The following AMZ1 variants were observed in gnomAD, a reference collection of about 807,000 sequenced individuals.
AMZ1 encodes archaemetzincin-1.
In AMZ1, 39 loss-of-function variants were observed where a neutral mutation model predicts 29.9. The observed-to-expected ratio is 1.30, with a 90% CI of 1.01 to 1.70. The LOEUF is 1.70. AMZ1 is among the 40% of genes most tolerant of loss of function. The probability of loss-of-function intolerance (pLI) is 0.00; values close to 1 mark genes in which losing one functional copy is unlikely to be tolerated. For synonymous variants in AMZ1, 458 were observed against 304.0 expected, an observed-to-expected ratio of 1.51 and a Z score of -5.27; for missense variants, 1,041 against 680.6, an observed-to-expected ratio of 1.53 and a Z score of -5.89.
At chr7:2,721,806 G>T (rs1010935498), downstream of AMZ1, among the ~76,000 whole-genome samples, 1 of 151,596 alleles carries the variant, frequency 6.6e-6, no homozygotes, top group Non-Finnish European at 1.5e-5. Flanking sequence ...GACATAACAC[G>T]CCAGGAAAAC....
intron 3 of AMZ1, among the ~76,000 whole-genome samples, chr7:2,705,674 G>T (rs761651065): frequency 3.1e-4 from 47 of 152,326 alleles, no homozygotes; most frequent in South Asian, 2.1e-4. Flanking sequence ...TTTGGGGGTT[G>T]ATAGGGGTCC....
rs899597224 is a variant in AMZ1, at chr7:2,702,646, C to T, written c.305-76C>T. 7 of 1,454,504 alleles carry T rather than the reference C, an allele frequency of 4.8e-6. No individual in the cohort carries two copies. In the African/African-American group the frequency reaches 9.9e-5, roughly 21 times the overall value. 90.1% of individuals were successfully genotyped at this position (1,454,504 alleles called of 1,614,324 possible). A position where few individuals can be genotyped will look rare whatever the true frequency, so the allele number is the denominator to read the frequency against. On this transcript the variant is annotated intron_variant, in intron 2 of 6. Transcript: ENST00000683327. ...CCTTGTTCACCCAGCAGGCCGGTGT[C>T]TGCGAGTGATTCCCGGGGAGAGGGT...
At chr7:2,699,606 C>T (rs141605890) in intron 1 of AMZ1, among the ~76,000 whole-genome samples, 45 of 152,132 alleles carry the variant, frequency 3.0e-4, no homozygotes, top group Middle Eastern at 3.4e-3. Context: ...GAAGAGCTGC[C>T]GTGATGGGAG....
At chr7:2,735,584 C>T (rs116255700) in intron 4 of AMZ1, among the ~76,000 whole-genome samples, 1 of 152,168 alleles carries the variant, frequency 6.6e-6, no homozygotes, top group East Asian at 1.9e-4. Context: ...AAACACCCCT[C>T]GAGTCTGCAA....
At chr7:2,704,318 C>A (rs923494620) in intron 3 of AMZ1, among the ~76,000 whole-genome samples, 1 of 152,154 alleles carries the variant, frequency 6.6e-6, no homozygotes, top group Admixed American at 6.5e-5. Context: ...GCCTGGGCAA[C>A]TAGGCCAGAC....
upstream of AMZ1, among the ~76,000 whole-genome samples, chr7:2,687,141 A>G (rs2115034163): frequency 6.6e-6 from 1 of 152,218 alleles, no homozygotes; most frequent in Middle Eastern, 3.4e-3. Flanking sequence ...AGCCTGGCCA[A>G]GAAGGTGAAA....
intron 1 of AMZ1, among the ~76,000 whole-genome samples, chr7:2,697,942 T>A (rs1349068070): frequency 1.3e-5 from 2 of 152,106 alleles, no homozygotes; most frequent in East Asian, 3.8e-4. Flanking sequence ...GGAAAAAAAA[T>A]ATATTTGTGT....
chr7:2,761,705 T>A (rs774270644), upstream of AMZ1, among the ~76,000 whole-genome samples: 8 of 152,160 alleles, frequency 5.3e-5, no homozygotes, highest in Non-Finnish European at 1.2e-4. Context: ...ACCGAATCCT[T>A]GAATTTGCTT....
At chr7:2,762,207 GAGA>G (rs1791591874), upstream of AMZ1, 1 of 171,652 alleles carries the variant, frequency 5.8e-6, no homozygotes, top group African/African-American at 2.4e-5. Context: ...TCGTTTCTAG[GAGA>G]AGTTGTAAGG....
chr7:2,709,512 G>GCA, intron 5 of AMZ1, 128 bp from the exon 6 acceptor site: 1 of 1,391,414 alleles, frequency 7.2e-7, no homozygotes, highest in Non-Finnish European at 9.6e-7. Flanking sequence ...GGGGGAGGGC[G>GCA]CCTGGACCAC....
At chr7:2,711,547 T>C (rs2115181779) in intron 6 of AMZ1, among the ~76,000 whole-genome samples, 1 of 152,182 alleles carries the variant, frequency 6.6e-6, no homozygotes, top group Middle Eastern at 3.4e-3. Flanking sequence ...GAGAGTGAAA[T>C]GGAGAAAACA....
chr7:2,741,573 T>G (rs1029029221), intron 4 of AMZ1, among the ~76,000 whole-genome samples: 13 of 152,188 alleles, frequency 8.5e-5, no homozygotes, highest in African/African-American at 3.1e-4. Flanking sequence ...TCTTTGGGGC[T>G]AGGACAGAGG....
chr7:2,724,891 G>A (rs1030270760), intron 4 of AMZ1, among the ~76,000 whole-genome samples: 4 of 152,138 alleles, frequency 2.6e-5, no homozygotes, highest in Non-Finnish European at 5.9e-5. Context: ...GCATGGGAGC[G>A]ATTCTCGTCC....
At chr7:2,685,072 T>C (rs1291156542), upstream of AMZ1, among the ~76,000 whole-genome samples, 2 of 151,626 alleles carry the variant, frequency 1.3e-5, no homozygotes, top group South Asian at 2.1e-4. Context: ...AGTTTCACTG[T>C]GTTAGCCAGG....
At chr7:2,734,638 G>A (rs1790067100) in intron 4 of AMZ1, among the ~76,000 whole-genome samples, 1 of 152,226 alleles carries the variant, frequency 6.6e-6, no homozygotes, top group Non-Finnish European at 1.5e-5. Context: ...AGACTGAGGG[G>A]AGAAAGCAGA....
chr7:2,694,969 G>A (rs192058557), intron 1 of AMZ1, among the ~76,000 whole-genome samples: 6 of 152,280 alleles, frequency 3.9e-5, no homozygotes, highest in East Asian at 1.9e-4. Flanking sequence ...CATCGCGTCC[G>A]GCCTATTATT....
At chr7:2,750,432 A>T (rs1790977163) in intron 4 of AMZ1, among the ~76,000 whole-genome samples, 1 of 152,202 alleles carries the variant, frequency 6.6e-6, no homozygotes, top group Non-Finnish European at 1.5e-5. Flanking sequence ...ACATGCTGAG[A>T]CCTCAGTGGA....
chr7:2,699,556 G>A (rs1411314132), intron 1 of AMZ1, among the ~76,000 whole-genome samples: 1 of 151,120 alleles, frequency 6.6e-6, no homozygotes, highest in African/African-American at 2.4e-5. Context: ...TATGCTTGCT[G>A]GGCGCACAGG....
At chr7:2,708,450 A>C in intron 3 of AMZ1, 138 bp from the exon 4 acceptor site, 1 of 1,341,836 alleles carries the variant, frequency 7.5e-7, no homozygotes, top group Non-Finnish European at 1.0e-6. Context: ...GGTCACACCA[A>C]ACGCTGGTGG....
Sources: allele counts gnomAD v4.1 joint callset (sites outside exome capture counted in the v4.1 genomes callset), GRCh38; gene constraint gnomAD v4.1.1; transcripts MANE v1.5; gene names NCBI Gene and HGNC (gene_info 2026-07-23, HGNC 2026-07-21).